FOXP1: variants seen among roughly 807,000 people sequenced by gnomAD.
The protein encoded by FOXP1 is forkhead box protein P1.
In FOXP1, 15 loss-of-function variants were observed where a neutral mutation model predicts 98.2. The observed-to-expected ratio is 0.15, with a 90% CI of 0.10 to 0.24. The LOEUF (loss-of-function observed/expected upper bound fraction) is 0.24. FOXP1 is among the 10% of genes least tolerant of loss of function. The pLI is 1.00. For synonymous variants in FOXP1, 371 were observed against 314.5 expected (o/e 1.18, Z -1.90); for missense variants, 633 against 848.5 (o/e 0.75, Z 3.15).
intron 2 of FOXP1, among the ~76,000 whole-genome samples, chr3:71,494,639 T>C (rs911109009): frequency 6.6e-6 from 1 of 152,156 alleles, no homozygotes; most frequent in Non-Finnish European, 1.5e-5. Flanking sequence ...AGATTGATGC[T>C]TCTCAAACTT....
intron 6 of FOXP1, among the ~76,000 whole-genome samples, chr3:71,152,062 G>T (rs1484409331): frequency 6.6e-6 from 1 of 152,220 alleles, no homozygotes; most frequent in Non-Finnish European, 1.5e-5. Context: ...TCAAAAGAGA[G>T]CTTTTCCTCT....
chr3:71,562,423 T>C (rs1023468730), intron 2 of FOXP1, among the ~76,000 whole-genome samples: 1 of 152,230 alleles, frequency 6.6e-6, no homozygotes, highest in African/African-American at 2.4e-5. Flanking sequence ...GGCTTGTCAG[T>C]GGCCAGGCTG....
chr3:71,391,873 A>G (rs2081062416), intron 3 of FOXP1, among the ~76,000 whole-genome samples: 1 of 152,226 alleles, frequency 6.6e-6, no homozygotes, highest in African/African-American at 2.4e-5. Flanking sequence ...ATGTTGGATC[A>G]GGACACTTTT....
intron 5 of FOXP1, among the ~76,000 whole-genome samples, chr3:71,267,586 A>G (rs2069824583): frequency 6.6e-6 from 1 of 152,240 alleles, no homozygotes; most frequent in South Asian, 2.1e-4. Flanking sequence ...TAAAAATGCA[A>G]GAATAGAGAC....
At chr3:71,215,629 C>A (rs532273272) in intron 5 of FOXP1, among the ~76,000 whole-genome samples, 4 of 151,514 alleles carry the variant, frequency 2.6e-5, no homozygotes, top group African/African-American at 4.9e-5. Context: ...ATAAAATGAA[C>A]GTGAACTAAC....
chr3:71,367,610 T>C (rs1254453245), intron 3 of FOXP1, among the ~76,000 whole-genome samples: 3 of 152,082 alleles, frequency 2.0e-5, no homozygotes, highest in Non-Finnish European at 4.4e-5. Context: ...TAAAACAACA[T>C]ATCTTTACCT....
chr3:71,315,608 GC>G (rs2075031775), intron 4 of FOXP1, among the ~76,000 whole-genome samples: 1 of 152,198 alleles, frequency 6.6e-6, no homozygotes. Context: ...GTCCAGGCAA[GC>G]CACTCCTCTG....
chr3:71,534,392 G>C (rs1043951890), intron 2 of FOXP1, among the ~76,000 whole-genome samples: 7 of 151,734 alleles, frequency 4.6e-5, no homozygotes, highest in African/African-American at 1.7e-4. Context: ...AAACCCTAAG[G>C]CTCTCCCTAT....
At chr3:71,258,668 A>G (rs1339289177) in intron 5 of FOXP1, among the ~76,000 whole-genome samples, 2 of 152,218 alleles carry the variant, frequency 1.3e-5, no homozygotes, top group Non-Finnish European at 1.5e-5. Context: ...GAGGTCAAAT[A>G]AACAGTGTGT....
rs76002243 is a variant in FOXP1, at chr3:71,113,158, A to G, written c.181-521T>C. ...TATACTATGGATTAGGCTACGTAGA[A>G]AGGAAGATTAAACAGATGAGACATA... is the stretch of plus-strand genomic sequence containing the variant. On this transcript the variant is annotated intron_variant, in intron 6 of 20. Transcript: ENST00000649528. Among the ~76,000 whole-genome samples, 21 of 152,346 alleles carry G rather than the reference A, an allele frequency of 1.4e-4. No homozygotes were observed. In the East Asian group the frequency reaches 4.1e-3, roughly 29 times the overall value.
At chr3:71,037,571 G>C (rs542148296) in intron 11 of FOXP1, among the ~76,000 whole-genome samples, 24 of 152,176 alleles carry the variant, frequency 1.6e-4, no homozygotes, top group Non-Finnish European at 3.5e-4. Context: ...TCCTCTTGCT[G>C]CTCCCCCTTA....
intron 5 of FOXP1, among the ~76,000 whole-genome samples, chr3:71,269,098 G>GTT (rs371969799): frequency 0.11 from 14,942 of 136,668 alleles, 962 homozygotes; most frequent in East Asian, 0.28. Flanking sequence ...GGTTTTTTTT[G>GTT]TTTTTTTTTT....
intron 6 of FOXP1, among the ~76,000 whole-genome samples, chr3:71,195,536 C>G (rs990188885): frequency 5.3e-5 from 8 of 152,316 alleles, no homozygotes; most frequent in Admixed American, 5.2e-4. Context: ...GGACTTCTAA[C>G]ATATTTTACA....
At chr3:71,559,507 A>G (rs1343698806) in intron 2 of FOXP1, among the ~76,000 whole-genome samples, 3 of 152,176 alleles carry the variant, frequency 2.0e-5, no homozygotes, top group African/African-American at 7.2e-5. Flanking sequence ...AGAATGGCCA[A>G]CCAGAGCACT....
At position 71,306,302 on chromosome 3, in the gene FOXP1, G is replaced by A. The variant is rs561576118; in HGVS notation, c.-72-6422C>T. On this transcript the variant is annotated intron_variant, in intron 4 of 20. Coordinates refer to ENST00000649528, the MANE Select transcript of FOXP1 (RefSeq NM_001349338.3). ...GTAATTAAGAACTCACTCGTGGGGC[G>A]GGGGGGAGTGCTATTGTTGTATCTC... Among the ~76,000 whole-genome samples the A allele has an allele frequency of 2.0e-4, 31 of 151,886 alleles. 1 individual carries two copies. Among genetic ancestry groups the A allele is most frequent in the South Asian group, 6.2e-4 (3 of 4,816 alleles).
At chr3:71,569,943 C>T (rs1010796260) in intron 2 of FOXP1, among the ~76,000 whole-genome samples, 8 of 152,134 alleles carry the variant, frequency 5.3e-5, no homozygotes, top group African/African-American at 7.2e-5. Flanking sequence ...CCACCACGCC[C>T]GGCTAATTTT....
chr3:71,459,931 C>CGTTTTTTT (rs1334419290), intron 3 of FOXP1, among the ~76,000 whole-genome samples: 3 of 137,028 alleles, frequency 2.2e-5, no homozygotes, highest in Non-Finnish European at 3.2e-5. Context: ...GCCCCATCTT[C>CGTTTTTTT]TTTTTTTTTT....
Position 71,372,448 on chromosome 3 carries a change from T to C in FOXP1, c.-167-13204A>G, listed in dbSNP as rs144854690. ...TGTGAACTCCCATTCCACGCAGATA[T>C]CTTGTTCCTTCGTTTCACTTGCACT... On this transcript the variant is annotated intron_variant, in intron 3 of 20. Transcript: ENST00000649528. Among the ~76,000 whole-genome samples the C allele has an allele frequency of 3.2e-3, 486 of 152,274 alleles. 1 individual carries two copies. The highest frequency in any genetic ancestry group is 0.011 in the African/African-American group (460 of 41,550).
intron 7 of FOXP1, among the ~76,000 whole-genome samples, chr3:71,097,633 T>C (rs1228407823): frequency 2.6e-5 from 4 of 152,140 alleles, no homozygotes; most frequent in Non-Finnish European, 5.9e-5. Flanking sequence ...GACAGTACCT[T>C]TAAATGTCAT....
Sources: gnomAD v4.1 joint callset for allele counts (sites outside exome capture counted in the v4.1 genomes callset) on GRCh38, gnomAD v4.1.1 for gene constraint, MANE v1.5 for transcripts, NCBI Gene and HGNC (gene_info 2026-07-23, HGNC 2026-07-21) for gene names.